The following ERC2 variants were observed in gnomAD, a reference collection of about 807,000 sequenced individuals.
The protein encoded by ERC2 is ELKS/RAB6-interacting/CAST family member 2.
ERC2 carries 42 observed loss-of-function variants against 114.8 expected under a neutral mutation model. The observed-to-expected ratio is 0.37, with a 90% CI of 0.29 to 0.47. The LOEUF (loss-of-function observed/expected upper bound fraction) is 0.47. Among genes scored for constraint, ERC2 ranks in the 20% least tolerant of loss-of-function variants. The pLI is 0.99. For synonymous variants in ERC2, 454 were observed against 425.5 expected, an observed-to-expected ratio of 1.07 and a Z score of -0.82; for missense variants, 939 against 1,150.7, an observed-to-expected ratio of 0.82 and a Z score of 2.66.
At chr3:56,355,979 C>G (rs906985511) in intron 2 of ERC2, among the ~76,000 whole-genome samples, 1 of 152,114 alleles carries the variant, frequency 6.6e-6, no homozygotes, top group Non-Finnish European at 1.5e-5. Context: ...TTAGTGAGAC[C>G]ATATACAGAA....
In ERC2 at chr3:56,149,137, T is replaced by C. The variant is rs1319937214; in HGVS notation, c.1150-5A>G. 1 of 1,592,258 alleles carries C rather than the reference T, an allele frequency of 6.3e-7. No individual in the cohort carries two copies. Among genetic ancestry groups the C allele is most frequent in the Non-Finnish European group, 8.5e-7 (1 of 1,171,588 alleles). ...CAATGAAGCGATTTTTGTGTCCTGT[T>C]GGTAAAGAAGAAAAGAAAAAGAAAA... On this transcript the variant is annotated splice_region_variant and splice_polypyrimidine_tract_variant and intron_variant, in intron 4 of 17. Coordinates refer to ENST00000288221, the MANE Select transcript of ERC2 (RefSeq NM_015576.3).
intron 4 of ERC2, among the ~76,000 whole-genome samples, chr3:56,171,574 T>C (rs1408404175): frequency 3.3e-5 from 5 of 152,232 alleles, no homozygotes; most frequent in Non-Finnish European, 4.4e-5. Flanking sequence ...CTCAATTTAG[T>C]GATAATAAGT....
At chr3:55,682,794 T>C (rs2148774585) in intron 17 of ERC2, among the ~76,000 whole-genome samples, 1 of 152,316 alleles carries the variant, frequency 6.6e-6, no homozygotes, top group East Asian at 1.9e-4. Context: ...ATCAACCACA[T>C]TCCTTGTTCT....
chr3:56,350,438 T>C (rs1395435968), intron 2 of ERC2, among the ~76,000 whole-genome samples: 1 of 152,250 alleles, frequency 6.6e-6, no homozygotes, highest in Non-Finnish European at 1.5e-5. Flanking sequence ...ATCTTCAGTC[T>C]GTTGACTCTT....
At chr3:56,436,185 G>A (rs1375262877) in intron 1 of ERC2, among the ~76,000 whole-genome samples, 3 of 152,138 alleles carry the variant, frequency 2.0e-5, no homozygotes, top group African/African-American at 7.2e-5. Flanking sequence ...ACAGATTTGA[G>A]AAAGGCAAAC....
chr3:55,711,827 CA>C (rs2063792727), intron 15 of ERC2, among the ~76,000 whole-genome samples: 1 of 152,182 alleles, frequency 6.6e-6, no homozygotes, highest in Non-Finnish European at 1.5e-5. Context: ...TTAAACATAT[CA>C]TAGCTGTTTC....
chr3:55,577,882 G>A (rs924637392), intron 17 of ERC2, among the ~76,000 whole-genome samples: 1 of 152,218 alleles, frequency 6.6e-6, no homozygotes, highest in Admixed American at 6.5e-5. Context: ...CACAGTATGA[G>A]TTGGGGTAGA....
chr3:56,031,165 C>T (rs1188728345), intron 7 of ERC2, among the ~76,000 whole-genome samples: 1 of 152,232 alleles, frequency 6.6e-6, no homozygotes, highest in African/African-American at 2.4e-5. Context: ...CAGGTCAGCC[C>T]TAATGACCAC....
chr3:56,097,354 T>A (rs1165038249), intron 6 of ERC2, among the ~76,000 whole-genome samples: 2 of 152,188 alleles, frequency 1.3e-5, no homozygotes, highest in Non-Finnish European at 2.9e-5. Flanking sequence ...TCACTTTTTT[T>A]TTTCTTAAAG....
chr3:55,978,535 C>T lies in ERC2; in HGVS notation c.2267+7442G>A, dbSNP rs561706373. ...GCTTCTCTCTCGTATCAACTCCCTA[C>T]TCTCACCTGTTACTCTTGGCATGAA... On this transcript the variant is annotated intron_variant, in intron 12 of 17. Coordinates refer to ENST00000288221, the MANE Select transcript of ERC2 (RefSeq NM_015576.3). Among the ~76,000 whole-genome samples, 151 of 152,356 alleles carry T rather than the reference C, an allele frequency of 9.9e-4. 1 individual carries two copies. Among genetic ancestry groups the T allele is most frequent in the South Asian group, 4.1e-3 (20 of 4,826 alleles).
chr3:56,025,947 T>G (rs1205782373), intron 7 of ERC2, among the ~76,000 whole-genome samples: 1 of 152,086 alleles, frequency 6.6e-6, no homozygotes, highest in Non-Finnish European at 1.5e-5. Flanking sequence ...TCTAACAGGA[T>G]GTGTAACATT....
chr3:56,397,715 A>G (rs562345662), intron 2 of ERC2, among the ~76,000 whole-genome samples: 2 of 152,358 alleles, frequency 1.3e-5, no homozygotes, highest in South Asian at 4.1e-4. Flanking sequence ...CGGCTTAAAC[A>G]AAATTGTCTT....
chr3:56,038,753 A>G (rs1024469466), intron 7 of ERC2, among the ~76,000 whole-genome samples: 1 of 152,250 alleles, frequency 6.6e-6, no homozygotes, highest in Non-Finnish European at 1.5e-5. Flanking sequence ...TTATGCAGCC[A>G]TAAAAAGGAA....
intron 13 of ERC2, among the ~76,000 whole-genome samples, chr3:55,911,281 A>G (rs1456371762): frequency 6.6e-6 from 1 of 152,244 alleles, no homozygotes; most frequent in East Asian, 1.9e-4. Context: ...GAAGGCTTCA[A>G]AGATAACATT....
chr3:55,801,592 T>C (rs981067560), intron 14 of ERC2, among the ~76,000 whole-genome samples: 3 of 152,192 alleles, frequency 2.0e-5, no homozygotes, highest in African/African-American at 4.8e-5. Context: ...TGGGTATGAA[T>C]TTATAATCAA....
At chr3:55,708,409 G>T (rs2063597167) in intron 15 of ERC2, among the ~76,000 whole-genome samples, 1 of 152,186 alleles carries the variant, frequency 6.6e-6, no homozygotes, top group African/African-American at 2.4e-5. Flanking sequence ...TTAAGCGCAG[G>T]TCTGTTTAAT....
At chr3:56,113,966 T>C (rs2079097955) in intron 6 of ERC2, among the ~76,000 whole-genome samples, 1 of 152,164 alleles carries the variant, frequency 6.6e-6, no homozygotes, top group South Asian at 2.1e-4. Flanking sequence ...CTTTATTTCT[T>C]GTAGAGAGTT....
chr3:55,793,657 C>G (rs1232712932), intron 14 of ERC2, among the ~76,000 whole-genome samples: 1 of 151,952 alleles, frequency 6.6e-6, no homozygotes, highest in African/African-American at 2.4e-5. Context: ...AACAAAAGAG[C>G]CTAGATAAAG....
At chr3:56,334,827 CAG>C (rs1192412202) in intron 2 of ERC2, among the ~76,000 whole-genome samples, 1 of 152,140 alleles carries the variant, frequency 6.6e-6, no homozygotes, top group East Asian at 1.9e-4. Flanking sequence ...TTGTTTGAAA[CAG>C]AGTCTCACTC....
Sources: allele counts gnomAD v4.1 joint callset (sites outside exome capture counted in the v4.1 genomes callset), GRCh38; gene constraint gnomAD v4.1.1; transcripts MANE v1.5; gene names NCBI Gene and HGNC (gene_info 2026-07-23, HGNC 2026-07-21).